Variants in DNAH5 observed in about 807,000 individuals in gnomAD.
DNAH5 encodes dynein axonemal heavy chain 5.
In DNAH5, 372 loss-of-function variants were observed where a neutral mutation model predicts 518.2. The observed-to-expected ratio is 0.72, with a 90% CI of 0.66 to 0.78. The LOEUF (loss-of-function observed/expected upper bound fraction) is 0.78. Among genes scored for constraint, DNAH5 ranks in the 30% least tolerant of loss-of-function variants. DNAH5 has a pLI of 0.00. For missense variants in DNAH5, 5,523 were observed against 5,687.0 expected, an observed-to-expected ratio of 0.97 and a Z score of 0.93; for synonymous variants, 2,039 against 2,025.9, an observed-to-expected ratio of 1.01 and a Z score of -0.17.
chr5:13,940,497 C>A (rs554438200), intron 1 of DNAH5, among the ~76,000 whole-genome samples: 40 of 152,188 alleles, frequency 2.6e-4, no homozygotes, highest in Non-Finnish European at 5.1e-4. Flanking sequence ...CAACAAACCA[C>A]TGTGCTTAAA....
In DNAH5 at chr5:13,793,732, C is replaced by T. The variant is rs1331845041; in HGVS notation, c.8011-4G>A. 2 of 1,613,350 alleles carry T rather than the reference C, an allele frequency of 1.2e-6. No homozygotes were observed. The highest frequency in any genetic ancestry group is 1.1e-5 in the South Asian group (1 of 91,070). On this transcript the variant is annotated splice_region_variant and splice_polypyrimidine_tract_variant and intron_variant, in intron 48 of 78. Transcript: ENST00000265104. The stretch of plus-strand genomic sequence containing the variant: ...GTCGCACTATCTCATTCGTAACCTA[C>T]AAAAGACAACTTTCAGAATTAAAGC...
rs139368049 is a variant in DNAH5 at position 13,838,283 on chromosome 5, T to C, written c.5882+1073A>G. On this transcript the variant is annotated intron_variant, in intron 35 of 78. Transcript: ENST00000265104. ...CAGCCCCCAGGCCACAGACCAGTAT[T>C]GGAGCTGAATGAGGACAGAGTATTG... Among the ~76,000 whole-genome samples, 825 of 152,234 alleles carry C rather than the reference T, an allele frequency of 5.4e-3. 13 individuals carry two copies. Among genetic ancestry groups the C allele is most frequent in the South Asian group, 0.034 (162 of 4,824 alleles).
At chr5:13,841,200 G>T in intron 33 of DNAH5, 70 bp from the exon 34 acceptor site, 1 of 1,208,514 alleles carries the variant, frequency 8.3e-7, no homozygotes, top group South Asian at 1.2e-5. Flanking sequence ...AATACAATGT[G>T]ATCAACAGCT....
chr5:13,786,051 T>A (rs1218645843), intron 52 of DNAH5, 128 bp downstream of exon 52: 2 of 902,810 alleles, frequency 2.2e-6, no homozygotes, highest in African/African-American at 1.7e-5. Context: ...TAAATTGGAA[T>A]ATAGCATGGA....
intron 78 of DNAH5, 46 bp from the exon 79 acceptor site, chr5:13,692,181 A>G (rs1314544418): frequency 6.2e-7 from 1 of 1,605,920 alleles, no homozygotes; most frequent in Non-Finnish European, 8.5e-7. Flanking sequence ...TTTCCACTTT[A>G]GAGCCCAAGG....
intron 58 of DNAH5, among the ~76,000 whole-genome samples, chr5:13,766,476 T>G (rs1164250460): frequency 6.6e-6 from 1 of 152,178 alleles, no homozygotes; most frequent in Non-Finnish European, 1.5e-5. Flanking sequence ...AGGCATAATC[T>G]GAAAGAAAAA....
chr5:13,727,375 T>G (rs1444307735), intron 70 of DNAH5, 132 bp downstream of exon 70: 2 of 852,000 alleles, frequency 2.3e-6, no homozygotes, highest in Non-Finnish European at 3.6e-6. Flanking sequence ...TCACACATAT[T>G]GCTAGAAAAT....
chr5:13,892,936 C>G (rs561502238), intron 16 of DNAH5, among the ~76,000 whole-genome samples: 4 of 152,292 alleles, frequency 2.6e-5, no homozygotes, highest in Non-Finnish European at 5.9e-5. Flanking sequence ...GATATTCATT[C>G]ATATTCAAAA....
At chr5:13,720,162 C>T (rs542248421) in intron 71 of DNAH5, among the ~76,000 whole-genome samples, 9 of 150,046 alleles carry the variant, frequency 6.0e-5, no homozygotes, top group Admixed American at 1.3e-4. Flanking sequence ...CAGAGTTACA[C>T]GTAAAACTGA....
At position 13,700,779 on chromosome 5, in the gene DNAH5, A is replaced by G; in HGVS notation, c.13584T>C (p.Pro4528=). 1 of 1,614,128 alleles carries G rather than the reference A, an allele frequency of 6.2e-7. No homozygotes were observed. The change falls in exon 78 of 79, where the codon CCT becomes CCC. Residue 4528 remains proline (P), a synonymous_variant. Coordinates refer to ENST00000265104, the MANE Select transcript of DNAH5 (RefSeq NM_001369.3). ...CATAGACATAGACACCCTCTGTGGG[A>G]GGGGCAGAAATGTCGTCCTTCATCC... ...TKWMKDDISA[P]PTEGVYVYGL...
intron 24 of DNAH5, among the ~76,000 whole-genome samples, chr5:13,869,231 A>T (rs1178846685): frequency 1.3e-5 from 2 of 152,174 alleles, no homozygotes; most frequent in African/African-American, 4.8e-5. Flanking sequence ...GGATGCAGAA[A>T]ATGGGAGAAT....
chr5:13,932,108 TC>T (rs1286158135), intron 1 of DNAH5: 1 of 152,256 alleles, frequency 6.6e-6, no homozygotes, highest in Non-Finnish European at 1.5e-5. Flanking sequence ...CTTCTTTTAA[TC>T]AACAAACATT....
intron 60 of DNAH5, among the ~76,000 whole-genome samples, 172 bp from the exon 61 acceptor site, chr5:13,759,155 A>C (rs1157007052): frequency 1.3e-5 from 2 of 152,276 alleles, no homozygotes; most frequent in Non-Finnish European, 2.9e-5. Flanking sequence ...TGAACTTGAC[A>C]TAAATGTGTA....
chr5:13,917,591 A>G (rs1008606216), intron 7 of DNAH5, among the ~76,000 whole-genome samples: 2 of 152,172 alleles, frequency 1.3e-5, no homozygotes, highest in Admixed American at 6.5e-5. Flanking sequence ...CATATTTTCT[A>G]TCTTTCCTCT....
Position 13,901,233 on chromosome 5 carries a change from T to C in DNAH5, c.2052+19A>G. 6.2e-7 allele frequency: 1 copy of C among 1,609,804 alleles called. No homozygotes were observed. Among genetic ancestry groups the C allele is most frequent in the South Asian group, 1.1e-5 (1 of 91,004 alleles). ...CCCATGATTCCAACAATGGGAAGAG[T>C]ATAAATTTAGGGACTCACTTGCCGA... On this transcript the variant is annotated intron_variant, in intron 14 of 78. Transcript: ENST00000265104.
intron 52 of DNAH5, among the ~76,000 whole-genome samples, chr5:13,785,279 G>A (rs1006112578): frequency 1.3e-5 from 2 of 151,706 alleles, no homozygotes; most frequent in Non-Finnish European, 2.9e-5. Flanking sequence ...GCCACTGGAG[G>A]CAGAACTTGG....
chr5:13,802,848 T>G (rs1758985514), intron 47 of DNAH5, among the ~76,000 whole-genome samples: 2 of 152,200 alleles, frequency 1.3e-5, no homozygotes, highest in Admixed American at 1.3e-4. Flanking sequence ...CTCTATGATT[T>G]CAGGTAAGCC....
At chr5:13,987,482 G>A (rs775365957) in intron 1 of DNAH5, among the ~76,000 whole-genome samples, 66 of 152,222 alleles carry the variant, frequency 4.3e-4, no homozygotes, top group Admixed American at 1.0e-3. Flanking sequence ...ACCAGAGAAT[G>A]AAAATAAGAT....
rs116341411 is a variant in DNAH5 at position 13,894,518 on chromosome 5, C to T, written c.2431+132G>A. 3,608 of 979,212 alleles carry T rather than the reference C, an allele frequency of 3.7e-3. 82 individuals are homozygous for T. In the African/African-American group the frequency reaches 0.051, roughly 14 times the overall value. The allele number at this position is 979,212 out of a possible 1,614,324, so 60.7% of individuals were successfully genotyped here. A position where few individuals can be genotyped will look rare whatever the true frequency, so the allele number is the denominator to read the frequency against. On this transcript the variant is annotated intron_variant, in intron 16 of 78. Coordinates refer to ENST00000265104, the MANE Select transcript of DNAH5 (RefSeq NM_001369.3). ...GAATTCGCATGTTTTGGAACACTTC[C>T]TTATGAAACAGCTTAAGAATAACAC...
Sources: gnomAD v4.1 joint callset for allele counts (sites outside exome capture counted in the v4.1 genomes callset) on GRCh38, gnomAD v4.1.1 for gene constraint, MANE v1.5 for transcripts, NCBI Gene and HGNC (gene_info 2026-07-23, HGNC 2026-07-21) for gene names.